Variants in C15orf39 observed in about 807,000 individuals in gnomAD.
The protein encoded by C15orf39 is PRMT2 interacting protein, also known as uncharacterized protein C15orf39.
C15orf39 carries 24 observed loss-of-function variants against 53.9 expected under a neutral mutation model. The observed-to-expected ratio is 0.45, with a 90% CI of 0.32 to 0.63. C15orf39 has a LOEUF of 0.63. Ranked by LOEUF, C15orf39 falls within the 20% of genes least tolerant of loss-of-function variation. The probability of loss-of-function intolerance (pLI) is 0.04; values close to 1 mark genes in which losing one functional copy is unlikely to be tolerated. For missense variants in C15orf39, 1,271 were observed against 1,347.9 expected, an observed-to-expected ratio of 0.94 and a Z score of 0.89; for synonymous variants, 569 against 576.5, an observed-to-expected ratio of 0.99 and a Z score of 0.19.
At chr15:75,203,189 G>C (rs1046815699) in intron 1 of C15orf39, among the ~76,000 whole-genome samples, 1 of 152,246 alleles carries the variant, frequency 6.6e-6, no homozygotes, top group Non-Finnish European at 1.5e-5. Flanking sequence ...CGGCCATCCC[G>C]AGGCCCCTAG....
Position 75,207,189 on chromosome 15 carries a change from GC to G in C15orf39, c.1144del (p.Arg382GlyfsTer49). 6.2e-7 allele frequency: 1 copy of G among 1,613,734 alleles called. No homozygotes were observed. Among genetic ancestry groups the G allele is most frequent in the Non-Finnish European group, 8.5e-7 (1 of 1,179,988 alleles). ...CCCCCAGACACTGAGTTTTCCTTAT[GC>G]CCGGGATGACCTCTCTCTCTATGGA... ...FAPQTLSFPY[A>X]RDDLSLYGAS... is the part of the protein sequence containing the mutation. On this transcript the variant is annotated frameshift_variant, in exon 2 of 3. Coordinates refer to ENST00000394987, the MANE Select transcript of C15orf39 (RefSeq NM_015492.5). LOFTEE classifies it high-confidence loss of function.
At position 75,208,566 on chromosome 15, in the gene C15orf39, G is replaced by C. The variant is rs1179140856; in HGVS notation, c.2518G>C (p.Gly840Arg). The C allele has an allele frequency of 3.8e-6, 6 of 1,573,826 alleles. No individual in the cohort carries two copies. The highest frequency in any genetic ancestry group is 5.2e-6 in the Non-Finnish European group (6 of 1,160,400). ...RCPFPHVVRA[G>R]AIFVPIHLVK... Reference sequence around the variant, plus strand: ...CCCCTTCCCCCATGTGGTGCGAGCTGGCGCCATCTTCGTGCCCATTCACCT... The same window carrying C: ...CCCCTTCCCCCATGTGGTGCGAGCTCGCGCCATCTTCGTGCCCATTCACCT... Residue 840 changes from glycine (G) to arginine (R), a missense_variant, in exon 2 of 3, where the codon GGC (glycine) becomes CGC (arginine). Physicochemically the swap from Gly to Arg is moderately radical, Grantham distance 125. Transcript: ENST00000394987.
In C15orf39 at chr15:75,210,915, G is replaced by A; in HGVS notation, c.2943G>A (p.Gly981=). The A allele has an allele frequency of 6.2e-7, 1 of 1,613,578 alleles. No individual in the cohort carries two copies. The highest frequency in any genetic ancestry group is 8.5e-7 in the Non-Finnish European group (1 of 1,179,970). ...PGPEKAEAAA[G]EESCGASPTP... is the part of the protein sequence containing the mutation. ...CGGAGAAAGCAGAGGCAGCTGCTGG[G>A]GAAGAGTCCTGTGGTGCCTCCCCTA... The change falls in exon 3 of 3, where the codon GGG becomes GGA. Residue 981 remains glycine, a synonymous_variant. Coordinates refer to ENST00000394987, the MANE Select transcript of C15orf39 (RefSeq NM_015492.5).
At chr15:75,201,237 G>A (rs149098780), upstream of C15orf39, among the ~76,000 whole-genome samples, 62 of 152,208 alleles carry the variant, frequency 4.1e-4, no homozygotes, top group Non-Finnish European at 7.5e-4. This position sits in a 1 kb window ranked among gnomAD's most constrained non-coding sequence, Gnocchi z 4.7. Flanking sequence ...CACTCCACCC[G>A]CCTCACAGGC....
chr15:75,206,575 T>A lies in C15orf39; in HGVS notation c.527T>A (p.Leu176Gln), dbSNP rs1214677008. 1 of 1,613,822 alleles carries A rather than the reference T, an allele frequency of 6.2e-7. No homozygotes were observed. Reference protein sequence around the residue: ...LLPSADPPCSLAPAPSKGQTL... With the variant: ...LLPSADPPCSQAPAPSKGQTL... The stretch of plus-strand genomic sequence containing the variant: ...CCCTCAGCTGACCCACCCTGCTCTC[T>A]GGCCCCAGCTCCTAGCAAGGGCCAG... Residue 176 changes from leucine to glutamine, a missense_variant, in exon 2 of 3, where the codon CTG becomes CAG. By Grantham distance (113) the Leu-to-Gln change is moderately radical. Around this residue, in one of 2 missense-constraint regions of C15orf39, gnomAD observed 994 missense variants for 993.7 expected, o/e 1.00. Transcript: ENST00000394987.
rs1411622952 is a variant in C15orf39, at chr15:75,201,890, C to T, written c.-220C>T. 1 of 151,944 alleles carries T rather than the reference C, an allele frequency of 6.6e-6. No homozygotes were observed. Among genetic ancestry groups the T allele is most frequent in the African/African-American group, 2.4e-5 (1 of 41,414 alleles). The allele number at this position is 151,944 out of a possible 1,614,324, so 9.4% of individuals were successfully genotyped here. ...GCCCCGCCCGGGACCGCAGACGGCG[C>T]CCAGCGGCGGCGCGAACGGCAGCTA... On this transcript the variant is annotated 5_prime_UTR_variant, in exon 1 of 3. Transcript: ENST00000394987. The surrounding 1 kb of genome is among the most constrained non-coding windows in gnomAD (Gnocchi z 4.7).
rs766372786 is a variant in C15orf39 at position 75,208,240 on chromosome 15, G to C, written c.2192G>C (p.Arg731Pro). Reference sequence around the variant, plus strand: ...CCAGCTCCATCCCCTGCTCCGGCTCGAGCTCAGGCTCCAGCTTCAGCCCGG... The same window carrying C: ...CCAGCTCCATCCCCTGCTCCGGCTCCAGCTCAGGCTCCAGCTTCAGCCCGG... ...PAPAPSPAPA[R>P]AQAPASARDP... is the part of the protein sequence containing the mutation. The change falls in exon 2 of 3, where the codon CGA (arginine) becomes CCA (proline). Residue 731 changes from arginine to proline, a missense_variant. Coordinates refer to ENST00000394987, the MANE Select transcript of C15orf39 (RefSeq NM_015492.5). The C allele has an allele frequency of 1.9e-6, 3 of 1,608,108 alleles. No individual in the cohort carries two copies. The highest frequency in any genetic ancestry group is 2.5e-6 in the Non-Finnish European group (3 of 1,177,372).
At position 75,211,344 on chromosome 15, in the gene C15orf39, C is replaced by A; in HGVS notation, c.*228C>A. The A allele has an allele frequency of 2.0e-6, 1 of 508,692 alleles. No homozygotes were observed. Among genetic ancestry groups the A allele is most frequent in the Non-Finnish European group, 3.3e-6 (1 of 305,208 alleles). 31.5% of individuals were successfully genotyped at this position (508,692 alleles called of 1,614,324 possible). A position where few individuals can be genotyped will look rare whatever the true frequency, so the allele number is the denominator to read the frequency against. On this transcript the variant is annotated 3_prime_UTR_variant, in exon 3 of 3. Transcript: ENST00000394987. ...CCCTATTTCTTGCCTAGAGAACACA[C>A]ATGGGCTTTGGAGCCCGACAGACCT...
rs767756211 is a variant in C15orf39 at position 75,208,678 on chromosome 15, C to T, written c.2630C>T (p.Thr877Met). Residue 877 changes from threonine to methionine, a missense_variant, in exon 2 of 3, where the codon ACG becomes ATG. Coordinates refer to ENST00000394987, the MANE Select transcript of C15orf39 (RefSeq NM_015492.5). ...QEHRVELRPT[T>M]LSEERALREL... Reference sequence around the variant, plus strand: ...CATCGTGTGGAGCTGCGGCCCACCACGCTGTCGGAGGAGCGGGCACTGCGG... The same window carrying T: ...CATCGTGTGGAGCTGCGGCCCACCATGCTGTCGGAGGAGCGGGCACTGCGG... 6.8e-6 allele frequency: 11 copies of T among 1,607,696 alleles called. No individual in the cohort carries two copies. The highest frequency in any genetic ancestry group is 2.2e-5 in the South Asian group (2 of 90,582).
intron 1 of C15orf39, among the ~76,000 whole-genome samples, chr15:75,203,507 A>C (rs1475646563): frequency 6.6e-6 from 1 of 152,118 alleles, no homozygotes; most frequent in South Asian, 2.1e-4. Flanking sequence ...TCCACCTCCT[A>C]CTGGCAGGAG....
chr15:75,203,368 G>A (rs1370159941), intron 1 of C15orf39, among the ~76,000 whole-genome samples: 1 of 152,238 alleles, frequency 6.6e-6, no homozygotes, highest in African/African-American at 2.4e-5. Flanking sequence ...ATCTGAGCCT[G>A]CTCCCTGGGC....
intron 2 of C15orf39, chr15:75,209,575 C>G (rs556110768): frequency 1.3e-5 from 2 of 152,222 alleles, no homozygotes; most frequent in Non-Finnish European, 2.9e-5. Flanking sequence ...ACACAACTGC[C>G]GAAGTGTTGT....
In C15orf39 at chr15:75,207,976, T is replaced by C; in HGVS notation, c.1928T>C (p.Phe643Ser). The stretch of plus-strand genomic sequence containing the variant: ...ACAGATGCCATGCCAAGGACCAACT[T>C]CCACAGCTCTGTGGCCTTCATGTTC... ...VTTDAMPRTN[F>S]HSSVAFMFRK... Residue 643 changes from phenylalanine to serine, a missense_variant, in exon 2 of 3, where the codon TTC becomes TCC. Phe to Ser is a radical substitution (Grantham distance 155). Transcript: ENST00000394987. 1 of 1,613,934 alleles carries C rather than the reference T, an allele frequency of 6.2e-7. No individual in the cohort carries two copies. The highest frequency in any genetic ancestry group is 2.2e-5 in the East Asian group (1 of 44,890).
upstream of C15orf39, among the ~76,000 whole-genome samples, chr15:75,201,521 A>G (rs2070400745): frequency 6.6e-6 from 1 of 152,174 alleles, no homozygotes. The surrounding 1 kb of genome is among the most constrained non-coding windows in gnomAD (Gnocchi z 4.7). Context: ...CCCTTTTCCA[A>G]GCTTACACCG....
chr15:75,206,830 G>A lies in C15orf39; in HGVS notation c.782G>A (p.Cys261Tyr). Residue 261 changes from cysteine (C) to tyrosine (Y), a missense_variant, in exon 2 of 3, where the codon TGT (cysteine) becomes TAT (tyrosine). Transcript: ENST00000394987. Reference protein sequence around the residue: ...TQLAQPLGPPCQDTGPTHYPP... With the variant: ...TQLAQPLGPPYQDTGPTHYPP... ...CTGGCCCAGCCCCTGGGGCCACCCT[G>A]TCAGGACACCGGGCCCACCCACTAC... 3.1e-6 allele frequency: 5 copies of A among 1,601,206 alleles called. No individual in the cohort carries two copies. Among genetic ancestry groups the A allele is most frequent in the Non-Finnish European group, 4.3e-6 (5 of 1,174,114 alleles).
At chr15:75,202,805 C>T (rs1357215070) in intron 1 of C15orf39, among the ~76,000 whole-genome samples, 1 of 152,194 alleles carries the variant, frequency 6.6e-6, no homozygotes, top group Non-Finnish European at 1.5e-5. Context: ...TGCGTGGCGG[C>T]GGCCTGTGTG....
In C15orf39 at chr15:75,206,658, T is replaced by G. The variant is rs1266874689; in HGVS notation, c.610T>G (p.Ser204Ala). The change falls in exon 2 of 3, where the codon TCA becomes GCA. Residue 204 changes from serine (S) to alanine (A), a missense_variant. Around this residue, in one of 2 missense-constraint regions of C15orf39, gnomAD observed 994 missense variants for 993.7 expected, o/e 1.00. Coordinates refer to ENST00000394987, the MANE Select transcript of C15orf39 (RefSeq NM_015492.5). ...AGCTGAGGGGTCCAGTAAAGACTCC[T>G]CAGGGAGCTTCTCCCCATGCCAGCC... ...VPAEGSSKDS[S>A]GSFSPCQPFL... 6.8e-6 allele frequency: 11 copies of G among 1,613,682 alleles called. No individual in the cohort carries two copies. In the African/African-American group the frequency reaches 1.1e-4, roughly 16 times the overall value.
chr15:75,208,114 T>G lies in C15orf39; in HGVS notation c.2066T>G (p.Ile689Ser). ...QPAPTPTSGPIGLRILAQQPL... is the reference protein window; with the variant it reads ...QPAPTPTSGPSGLRILAQQPL... ...GCACCCACCCCCACATCTGGGCCCA[T>G]TGGACTGCGGATTCTCGCTCAACAG... Residue 689 changes from isoleucine (I) to serine (S), a missense_variant, in exon 2 of 3, where the codon ATT becomes AGT. Coordinates refer to ENST00000394987, the MANE Select transcript of C15orf39 (RefSeq NM_015492.5). 6.2e-7 allele frequency: 1 copy of G among 1,614,078 alleles called. No homozygotes were observed. The highest frequency in any genetic ancestry group is 8.5e-7 in the Non-Finnish European group (1 of 1,180,014).
chr15:75,202,894 C>T lies in C15orf39; in HGVS notation c.-51+835C>T, dbSNP rs141491433. On this transcript the variant is annotated intron_variant, in intron 1 of 2. Coordinates refer to ENST00000394987, the MANE Select transcript of C15orf39 (RefSeq NM_015492.5). ...ACCCGGAAGCCCGCCAGGTCGGGTG[C>T]GGCGGCAGCCTCTAAGCGAAATCGG... Among the ~76,000 whole-genome samples the T allele has an allele frequency of 3.7e-4, 56 of 152,366 alleles. No homozygotes were observed. The East Asian group carries it at 9.4e-3, about 26-fold the overall frequency.
Sources: gnomAD v4.1 joint callset for allele counts (sites outside exome capture counted in the v4.1 genomes callset) on GRCh38, gnomAD v4.1.1 for gene constraint, gnomAD v4.1.1 regional missense constraint, Gnocchi (gnomAD v3.1) non-coding constraint, MANE v1.5 for transcripts, NCBI Gene and HGNC (gene_info 2026-07-23, HGNC 2026-07-21) for gene names.